Variants in TP63 observed in about 807,000 individuals in gnomAD.
The protein encoded by TP63 is tumor protein 63.
Under a neutral mutation model 82.8 loss-of-function variants are expected in TP63, and 17 were observed. The observed-to-expected ratio is 0.21, with a 90% CI of 0.14 to 0.31. TP63 has a LOEUF of 0.31. Ranked by LOEUF, TP63 falls within the 10% of genes least tolerant of loss-of-function variation. The probability of loss-of-function intolerance (pLI) is 1.00; values close to 1 mark genes in which losing one functional copy is unlikely to be tolerated. For synonymous variants in TP63, 330 were observed against 321.7 expected, an observed-to-expected ratio of 1.03 and a Z score of -0.28; for missense variants, 648 against 895.3, an observed-to-expected ratio of 0.72 and a Z score of 3.52.
chr3:189,864,141 T>C, intron 4 of TP63, 91 bp from the exon 5 acceptor site: 2 of 1,554,998 alleles, frequency 1.3e-6, no homozygotes, highest in South Asian at 2.2e-5. Context: ...CTCTAAAAAG[T>C]GGACAGATTT....
intron 10 of TP63, chr3:189,880,549 A>T: frequency 1.0e-6 from 1 of 989,356 alleles, no homozygotes; most frequent in Non-Finnish European, 1.2e-6. Context: ...TTTTTCTAAA[A>T]TTCACAGGGA....
chr3:189,721,031 T>C (rs2108769206), intron 1 of TP63, among the ~76,000 whole-genome samples: 1 of 152,320 alleles, frequency 6.6e-6, no homozygotes, highest in East Asian at 1.9e-4. Context: ...GTGATTGGCT[T>C]CCGATGAAGT....
chr3:189,871,330 G>A (rs960183884), intron 9 of TP63, among the ~76,000 whole-genome samples: 1 of 152,050 alleles, frequency 6.6e-6, no homozygotes, highest in South Asian at 2.1e-4. Context: ...CAACTACCTT[G>A]CCTTCTATTG....
At chr3:189,747,954 C>T (rs914365675) in intron 3 of TP63, among the ~76,000 whole-genome samples, 1 of 151,924 alleles carries the variant, frequency 6.6e-6, no homozygotes, top group Non-Finnish European at 1.5e-5. Context: ...GGAAAACTGA[C>T]AAGAAATTGA....
At chr3:189,680,483 C>G (rs527719289) in intron 1 of TP63, among the ~76,000 whole-genome samples, 1 of 152,038 alleles carries the variant, frequency 6.6e-6, no homozygotes, top group Non-Finnish European at 1.5e-5. Context: ...AATAAAGAAA[C>G]AAATAACAGA....
At chr3:189,821,755 C>A (rs571513973) in intron 4 of TP63, among the ~76,000 whole-genome samples, 7 of 152,128 alleles carry the variant, frequency 4.6e-5, no homozygotes, top group Non-Finnish European at 8.8e-5. Flanking sequence ...ACAAAAAATG[C>A]AATACTTTGA....
chr3:189,711,375 T>G (rs747997660), intron 1 of TP63, among the ~76,000 whole-genome samples: 3 of 152,220 alleles, frequency 2.0e-5, no homozygotes, highest in Non-Finnish European at 4.4e-5. Flanking sequence ...CTTTAGCAAG[T>G]ATATTTTTGT....
chr3:189,650,615 C>T (rs1284840296), intron 1 of TP63, among the ~76,000 whole-genome samples: 1 of 147,190 alleles, frequency 6.8e-6, no homozygotes, highest in Admixed American at 6.7e-5. Context: ...ATTTGCTTCC[C>T]ATTCTGCCAT....
At chr3:189,606,020 T>TTAAA in the TP63 span, among the ~76,000 whole-genome samples, 1 of 152,022 alleles carries the variant, frequency 6.6e-6, no homozygotes, top group African/African-American at 2.4e-5. Context: ...AATAGAAAAT[T>TTAAA]TAAAACAAAA....
At chr3:189,786,463 ACACACACACACACACACACG>A (rs916362542) in intron 3 of TP63, among the ~76,000 whole-genome samples, 1 of 151,694 alleles carries the variant, frequency 6.6e-6, no homozygotes, top group Non-Finnish European at 1.5e-5. Flanking sequence ...ACACACACAC[ACACACACACACACACACACG>A]CATGCACAAA....
At chr3:189,886,698 T>A in intron 11 of TP63, 147 bp downstream of exon 11, 1 of 1,140,738 alleles carries the variant, frequency 8.8e-7, no homozygotes, top group Non-Finnish European at 1.2e-6. Context: ...GGTTTCTGAC[T>A]GAACCTTTCA....
chr3:189,824,444 G>C (rs1383163523), intron 4 of TP63, among the ~76,000 whole-genome samples: 3 of 151,924 alleles, frequency 2.0e-5, no homozygotes, highest in African/African-American at 7.3e-5. Flanking sequence ...TGTTGGCCAG[G>C]CTGGTCTTGA....
At chr3:189,688,116 C>T (rs1294851431) in intron 1 of TP63, among the ~76,000 whole-genome samples, 4 of 152,124 alleles carry the variant, frequency 2.6e-5, no homozygotes, top group Non-Finnish European at 5.9e-5. Context: ...ATACTTGGCT[C>T]CTTCAAAGGA....
In TP63 at chr3:189,868,649, G is replaced by A. The variant is rs34841666; in HGVS notation, c.1062G>A (p.Ala354=). 435 of 1,614,106 alleles carry A rather than the reference G, an allele frequency of 2.7e-4. 1 individual carries two copies. In the South Asian group the frequency reaches 3.9e-3, roughly 14 times the overall value. Residue 354 remains alanine, a synonymous_variant, in exon 8 of 14, where the codon GCG becomes GCA. Transcript: ENST00000264731. ...CTTGCCCAGGAAGAGACAGGAAGGC[G>A]GATGAAGATAGCATCAGAAAGCAGC... is the stretch of plus-strand genomic sequence containing the variant. ...ICACPGRDRK[A]DEDSIRKQQV...
At chr3:189,835,549 C>T (rs1713011699) in intron 4 of TP63, among the ~76,000 whole-genome samples, 1 of 152,158 alleles carries the variant, frequency 6.6e-6, no homozygotes, top group African/African-American at 2.4e-5. Flanking sequence ...TTACCGAAGG[C>T]TCAGTTCCTG....
intron 1 of TP63, among the ~76,000 whole-genome samples, chr3:189,644,831 T>C (rs9837544): frequency 0.35 from 52,702 of 151,916 alleles, 9,557 homozygotes; most frequent in Non-Finnish European, 0.4. Context: ...TCTCCAATTC[T>C]ACCCAGGTTG....
At chr3:189,682,545 AAAAAAAAAATAT>A (rs777309800) in intron 1 of TP63, among the ~76,000 whole-genome samples, 22,206 of 70,928 alleles carry the variant, frequency 0.31, 2,649 homozygotes, top group Admixed American at 0.39. Flanking sequence ...GGAAAAAAAA[AAAAAAAAAATAT>A]ATATATATAT....
In TP63 at chr3:189,895,758, G is replaced by A; in HGVS notation, c.*1256G>A. 4.4e-6 allele frequency: 1 copy of A among 228,276 alleles called. No individual in the cohort carries two copies. The highest frequency in any genetic ancestry group is 8.7e-6 in the Non-Finnish European group (1 of 115,068). 14.1% of individuals were successfully genotyped at this position (228,276 alleles called of 1,614,324 possible). A position where few individuals can be genotyped will look rare whatever the true frequency, so the allele number is the denominator to read the frequency against. On this transcript the variant is annotated 3_prime_UTR_variant, in exon 14 of 14. Transcript: ENST00000264731. ...TATTCTATAAAACTCTGCATGTAGAGGCTTGTTTACCTTTCTCTCTCTAAG... is the reference window on the plus strand; with the variant it reads ...TATTCTATAAAACTCTGCATGTAGAAGCTTGTTTACCTTTCTCTCTCTAAG...
chr3:189,610,504 A>C, the TP63 span, among the ~76,000 whole-genome samples: 8 of 152,298 alleles, frequency 5.3e-5, no homozygotes, highest in African/African-American at 1.9e-4. Context: ...CCTTTGCTTC[A>C]GTTCCCAACA....
Sources: allele counts gnomAD v4.1 joint callset (sites outside exome capture counted in the v4.1 genomes callset), GRCh38; gene constraint gnomAD v4.1.1; transcripts MANE v1.5; gene names NCBI Gene and HGNC (gene_info 2026-07-23, HGNC 2026-07-21).